ARHGEF33: variants seen among roughly 807,000 people sequenced by gnomAD.
ARHGEF33 encodes Rho guanine nucleotide exchange factor 33.
Under a neutral mutation model 101.9 loss-of-function variants are expected in ARHGEF33, and 72 were observed. That is an observed-to-expected ratio of 0.71 (90% CI 0.58 to 0.86). ARHGEF33 has a LOEUF of 0.86. ARHGEF33 is among the 40% of genes least tolerant of loss of function. ARHGEF33 has a pLI of 0.00. For synonymous variants in ARHGEF33, 499 were observed against 442.5 expected (o/e 1.13, Z -1.60); for missense variants, 1,169 against 1,111.3 (o/e 1.05, Z -0.74).
chr2:38,956,932 G>C lies in ARHGEF33; in HGVS notation c.1255G>C (p.Asp419His). 6.4e-7 allele frequency: 1 copy of C among 1,552,320 alleles called. No homozygotes were observed. The highest frequency in any genetic ancestry group is 8.7e-7 in the Non-Finnish European group (1 of 1,147,148). ...VLKFTEQEHPDYYLLLVCVQR... is the reference protein window; with the variant it reads ...VLKFTEQEHPHYYLLLVCVQR... ...GAAGTTCACAGAGCAGGAGCACCCT[G>C]ACTATTATCTACTACTGGTGTGTGT... Residue 419 changes from aspartate (D) to histidine (H), a missense_variant, in exon 14 of 18, where the codon GAC (aspartate) becomes CAC (histidine). Physicochemically the swap from Asp to His is moderately conservative, Grantham distance 81. Coordinates refer to ENST00000409978, the MANE Select transcript of ARHGEF33 (RefSeq NM_001145451.5).
chr2:38,931,076 C>T, intron 6 of ARHGEF33, 33 bp from the exon 7 acceptor site: 1 of 1,516,906 alleles, frequency 6.6e-7, no homozygotes, highest in African/African-American at 1.4e-5. Context: ...TATTAAGAAC[C>T]AGAATAGCCT....
intron 1 of ARHGEF33, among the ~76,000 whole-genome samples, chr2:38,891,230 G>A (rs1377977675): frequency 6.6e-6 from 1 of 151,914 alleles, no homozygotes; most frequent in African/African-American, 2.4e-5. Context: ...CACCATGCTC[G>A]GCCTTATTGT....
chr2:38,933,861 CA>C (rs1667066439), intron 7 of ARHGEF33, among the ~76,000 whole-genome samples: 1 of 152,104 alleles, frequency 6.6e-6, no homozygotes, highest in East Asian at 1.9e-4. Context: ...CTGATGGCCC[CA>C]TCTGAGAAGG....
At chr2:38,934,217 G>T (rs1048992969) in intron 7 of ARHGEF33, among the ~76,000 whole-genome samples, 1 of 152,114 alleles carries the variant, frequency 6.6e-6, no homozygotes, top group Admixed American at 6.5e-5. Context: ...TCTTTTGGCT[G>T]ACACTGTGCT....
Position 38,928,914 on chromosome 2 carries a change from C to A in ARHGEF33, c.83C>A (p.Ala28Asp), listed in dbSNP as rs1666931985. Residue 28 changes from alanine (A) to aspartate (D), a missense_variant, in exon 5 of 18, where the codon GCC becomes GAC. Transcript: ENST00000409978. The stretch of plus-strand genomic sequence containing the variant: ...TTTTCATGCATTATTTAGTTGCAGG[C>A]CCTAGCCTCCGAACTCAAAACTGGT... ...NPSTQIYQLQ[A>D]LASELKTGFT... The A allele has an allele frequency of 6.5e-7, 1 of 1,549,524 alleles. No homozygotes were observed. Among genetic ancestry groups the A allele is most frequent in the Non-Finnish European group, 8.7e-7 (1 of 1,146,072 alleles).
At chr2:38,956,757 T>C (rs1032178003) in intron 13 of ARHGEF33, 142 bp from the exon 14 acceptor site, 10 of 1,009,158 alleles carry the variant, frequency 9.9e-6, no homozygotes, top group African/African-American at 1.6e-5. Context: ...AGCGTATAAT[T>C]AGATGGGGGT....
intron 2 of ARHGEF33, among the ~76,000 whole-genome samples, chr2:38,918,421 C>A (rs1359980621): frequency 2.0e-5 from 3 of 152,124 alleles, no homozygotes; most frequent in Non-Finnish European, 2.9e-5. Context: ...AAGAACCTGG[C>A]GTTTTCAGCC....
intron 8 of ARHGEF33, chr2:38,936,781 G>C (rs1245653838): frequency 6.6e-6 from 1 of 151,820 alleles, no homozygotes; most frequent in Non-Finnish European, 1.5e-5. Flanking sequence ...TTCAAGACCA[G>C]CCTGGCCAGC....
chr2:38,910,690 A>G (rs1217717852), intron 2 of ARHGEF33, among the ~76,000 whole-genome samples: 1 of 152,184 alleles, frequency 6.6e-6, no homozygotes, highest in Non-Finnish European at 1.5e-5. Flanking sequence ...TTTTAGTCCT[A>G]CTTTGTATTA....
rs765840347 is a variant in ARHGEF33, at chr2:38,931,136, A to C, written c.390A>C (p.Ser130=). The change falls in exon 7 of 18, where the codon TCA becomes TCC. Residue 130 remains serine, a synonymous_variant. Transcript: ENST00000409978. ...AAACTCAAAAAGAAGAGCACAGCTC[A>C]CAGGCCGGGCCTGCCCAAGCACAAG... ...AKKTQKEEHS[S]QAGPAQAQGS... is the part of the protein sequence containing the mutation. 1 of 1,550,394 alleles carries C rather than the reference A, an allele frequency of 6.4e-7. No individual in the cohort carries two copies. The highest frequency in any genetic ancestry group is 1.2e-5 in the South Asian group (1 of 83,752).
chr2:38,937,631 G>A (rs1011820519), intron 9 of ARHGEF33, 72 bp downstream of exon 9: 42 of 914,704 alleles, frequency 4.6e-5, no homozygotes, highest in African/African-American at 6.7e-5. Flanking sequence ...ACTCAAAGGC[G>A]AGAATCCTTG....
At chr2:38,973,581 C>G in intron 17 of ARHGEF33, 133 bp from the exon 18 acceptor site, 2 of 955,898 alleles carry the variant, frequency 2.1e-6, no homozygotes, top group Non-Finnish European at 3.0e-6. Context: ...TCATGAAATT[C>G]AGGGGAGTAA....
At position 38,960,329 on chromosome 2, in the gene ARHGEF33, C is replaced by T. The variant is rs1439656639; in HGVS notation, c.2024C>T (p.Pro675Leu). The change falls in exon 16 of 18, where the codon CCG (proline) becomes CTG (leucine). Residue 675 changes from proline to leucine, a missense_variant. Transcript: ENST00000409978. ...EAERPEHPLQ[P>L]LPKSATSPAG... Reference sequence around the variant, plus strand: ...GAGCGGCCGGAGCACCCGCTGCAGCCGCTGCCCAAGAGCGCTACGTCGCCG... The same window carrying T: ...GAGCGGCCGGAGCACCCGCTGCAGCTGCTGCCCAAGAGCGCTACGTCGCCG... The T allele has an allele frequency of 2.6e-6, 4 of 1,540,830 alleles. No homozygotes were observed. The highest frequency in any genetic ancestry group is 1.4e-5 in the African/African-American group (1 of 72,768).
chr2:38,892,408 G>T (rs190167236), intron 1 of ARHGEF33, among the ~76,000 whole-genome samples: 3 of 104,902 alleles, frequency 2.9e-5, no homozygotes, highest in Non-Finnish European at 6.9e-5. Flanking sequence ...GATGCCTAAA[G>T]GTGGGTAAAC....
At chr2:38,929,589 C>A in intron 5 of ARHGEF33, 120 bp from the exon 6 acceptor site, 1 of 783,432 alleles carries the variant, frequency 1.3e-6, no homozygotes, top group Non-Finnish European at 1.8e-6. Flanking sequence ...ATTTTTTAAT[C>A]TCTCATTCAT....
intron 9 of ARHGEF33, among the ~76,000 whole-genome samples, chr2:38,943,157 A>C (rs1316063992): frequency 6.6e-6 from 1 of 152,074 alleles, no homozygotes; most frequent in Non-Finnish European, 1.5e-5. Context: ...CGAACTCCTG[A>C]CCTCAGGTGA....
chr2:38,947,691 C>T (rs1194075321), intron 10 of ARHGEF33, among the ~76,000 whole-genome samples: 2 of 152,154 alleles, frequency 1.3e-5, no homozygotes, highest in African/African-American at 4.8e-5. Context: ...TAGGTAGAGC[C>T]ACAGCCTCAG....
rs1430325981 is a variant in ARHGEF33 at position 38,937,504 on chromosome 2, T to C, written c.735T>C (p.Ala245=). 1.3e-6 allele frequency: 2 copies of C among 1,551,008 alleles called. No individual in the cohort carries two copies. The highest frequency in any genetic ancestry group is 2.0e-5 in the Admixed American group (1 of 50,984). Residue 245 remains alanine, a synonymous_variant, in exon 9 of 18, where the codon GCT becomes GCC. Coordinates refer to ENST00000409978, the MANE Select transcript of ARHGEF33 (RefSeq NM_001145451.5). ...ACCACCCAGATAAACTCAAGGAGGC[T>C]GGCCAGGGTAGACACAGCTCCTTGG... ...TKDHPDKLKE[A]GQGRHSSLEN...
intron 13 of ARHGEF33, among the ~76,000 whole-genome samples, chr2:38,956,233 A>G (rs1460279264): frequency 1.3e-5 from 2 of 152,152 alleles, no homozygotes; most frequent in African/African-American, 4.8e-5. Context: ...TTGAGTTCAA[A>G]TCTTGCCTCC....
Sources: gnomAD v4.1 joint callset for allele counts (sites outside exome capture counted in the v4.1 genomes callset) on GRCh38, gnomAD v4.1.1 for gene constraint, MANE v1.5 for transcripts, NCBI Gene and HGNC (gene_info 2026-07-23, HGNC 2026-07-21) for gene names.